Variants in OR52N2 observed in about 807,000 individuals in gnomAD.
OR52N2 encodes the protein olfactory receptor 52N2.
For synonymous variants in OR52N2, 129 were observed against 72.0 expected (o/e 1.79, Z -4.01); for missense variants, 326 against 196.6 (o/e 1.66, Z -3.94).
At chr11:5,811,642 A>G (rs1244200536) in intron 1 of OR52N2, among the ~76,000 whole-genome samples, 6 of 152,216 alleles carry the variant, frequency 3.9e-5, no homozygotes, top group Admixed American at 1.3e-4. Flanking sequence ...AGAAGACAAC[A>G]AGAGAAAAAG....
In OR52N2 at chr11:5,813,329, G is replaced by C. The variant is rs893319330; in HGVS notation, c.-55+4275G>C. Reference sequence around the variant, plus strand: ...TCCAAAGAAATCCAAAGGGTCATAAGAGACTACTACAAACAATTATATGCC... The same window carrying C: ...TCCAAAGAAATCCAAAGGGTCATAACAGACTACTACAAACAATTATATGCC... On this transcript the variant is annotated intron_variant, in intron 1 of 1. Transcript: ENST00000317037. Among the ~76,000 whole-genome samples, 6 of 152,130 alleles carry C rather than the reference G, an allele frequency of 3.9e-5. No individual in the cohort carries two copies. In the East Asian group the frequency reaches 9.6e-4, roughly 24 times the overall value.
At chr11:5,815,014 C>G (rs1307213378) in intron 1 of OR52N2, among the ~76,000 whole-genome samples, 1 of 152,056 alleles carries the variant, frequency 6.6e-6, no homozygotes, top group African/African-American at 2.4e-5. Flanking sequence ...AACTGGGTAT[C>G]TACATGTACA....
At chr11:5,812,999 A>G (rs1846376091) in intron 1 of OR52N2, among the ~76,000 whole-genome samples, 1 of 152,014 alleles carries the variant, frequency 6.6e-6, no homozygotes, top group African/African-American at 2.4e-5. Flanking sequence ...AGGGGAAACT[A>G]AATAATATAT....
At chr11:5,814,318 C>A (rs960723173) in intron 1 of OR52N2, among the ~76,000 whole-genome samples, 5 of 150,144 alleles carry the variant, frequency 3.3e-5, no homozygotes, top group Non-Finnish European at 7.4e-5. Flanking sequence ...GATACGAAGT[C>A]AGAATGCAAA....
chr11:5,820,737 T>G lies in OR52N2; in HGVS notation c.402T>G (p.Tyr134Ter), dbSNP rs1420818764. ...RYVAICYPLR[Y>*]ATILTNPVIA... Reference sequence around the variant, plus strand: ...TGGCCATCTGCTACCCCTTACGCTATGCCACCATCCTTACCAACCCTGTCA... The same window carrying G: ...TGGCCATCTGCTACCCCTTACGCTAGGCCACCATCCTTACCAACCCTGTCA... Residue 134 changes from tyrosine (Y) to a stop codon, truncating the protein, a stop_gained, in exon 2 of 2, where the codon TAT becomes TAG. Transcript: ENST00000317037. LOFTEE classifies it low-confidence loss of function (END_TRUNC). The G allele has an allele frequency of 2.6e-6, 2 of 781,922 alleles. No individual in the cohort carries two copies. Among genetic ancestry groups the G allele is most frequent in the South Asian group, 2.7e-5 (2 of 73,000 alleles). 48.4% of individuals were successfully genotyped at this position (781,922 alleles called of 1,614,324 possible).
At chr11:5,816,927 G>C (rs989055266) in intron 1 of OR52N2, among the ~76,000 whole-genome samples, 2 of 151,036 alleles carry the variant, frequency 1.3e-5, no homozygotes, top group African/African-American at 4.9e-5. Context: ...TGTAATAGCT[G>C]CATTAATTTA....
chr11:5,818,670 ACTTTCT>A lies in OR52N2; in HGVS notation c.-54-1606_-54-1601del, dbSNP rs912356964. On this transcript the variant is annotated intron_variant, in intron 1 of 1. Transcript: ENST00000317037. ...ATAGCAGTAAGGGGCAATGTTTTTT[ACTTTCT>A]CTTTCACTTCTTAAGAGGTAATGGC... Among the ~76,000 whole-genome samples the A allele has an allele frequency of 7.9e-5, 12 of 152,270 alleles. No homozygotes were observed. In the East Asian group the frequency reaches 2.3e-3, roughly 29 times the overall value.
intron 1 of OR52N2, among the ~76,000 whole-genome samples, chr11:5,813,417 C>T (rs996945611): frequency 1.3e-5 from 2 of 151,918 alleles, no homozygotes; most frequent in African/African-American, 4.8e-5. Flanking sequence ...TACAGAAAGT[C>T]AATAAGGAAA....
In OR52N2 at chr11:5,820,428, G is replaced by A; in HGVS notation, c.93G>A (p.Leu31=). Residue 31 remains leucine, a synonymous_variant, in exon 2 of 2, where the codon CTG becomes CTA. Coordinates refer to ENST00000317037, the MANE Select transcript of OR52N2 (RefSeq NM_001005174.3). ...AAGCCACACACATCTGGATCTCCCT[G>A]CCATTCTGCTTTATGTACATCATTG... ...GLEATHIWIS[L]PFCFMYIIAV... 1.3e-6 allele frequency: 1 copy of A among 780,818 alleles called. No individual in the cohort carries two copies. The highest frequency in any genetic ancestry group is 2.4e-5 in the East Asian group (1 of 41,216). 48.4% of individuals were successfully genotyped at this position (780,818 alleles called of 1,614,324 possible).
chr11:5,812,615 G>A (rs1262591839), intron 1 of OR52N2, among the ~76,000 whole-genome samples: 2 of 151,802 alleles, frequency 1.3e-5, no homozygotes, highest in African/African-American at 2.4e-5. Flanking sequence ...ATATATGTCT[G>A]TAATATCACA....
intron 1 of OR52N2, among the ~76,000 whole-genome samples, chr11:5,812,299 C>T (rs577352702): frequency 6.7e-6 from 1 of 149,934 alleles, no homozygotes; most frequent in South Asian, 2.1e-4. Flanking sequence ...TCTAGACCAT[C>T]CTGGCTAACA....
At chr11:5,817,901 T>C (rs1268075320) in intron 1 of OR52N2, among the ~76,000 whole-genome samples, 1 of 152,192 alleles carries the variant, frequency 6.6e-6, no homozygotes, top group Non-Finnish European at 1.5e-5. Flanking sequence ...TTAAATTTGG[T>C]ACAGCTATTG....
chr11:5,811,780 A>G (rs1298717205), intron 1 of OR52N2, among the ~76,000 whole-genome samples: 1 of 152,230 alleles, frequency 6.6e-6, no homozygotes, highest in African/African-American at 2.4e-5. Context: ...GATTTGCTGA[A>G]TGAATTAAAA....
chr11:5,811,632 A>C (rs1846361635), intron 1 of OR52N2, among the ~76,000 whole-genome samples: 1 of 152,230 alleles, frequency 6.6e-6, no homozygotes, highest in African/African-American at 2.4e-5. Flanking sequence ...CTATCACAAA[A>C]GAAGACAACA....
At chr11:5,818,888 C>A (rs1846424784) in intron 1 of OR52N2, among the ~76,000 whole-genome samples, 1 of 152,170 alleles carries the variant, frequency 6.6e-6, no homozygotes, top group Admixed American at 6.5e-5. Flanking sequence ...ACTGTGAGAA[C>A]TTCCTTATAA....
At chr11:5,809,708 G>T (rs979374561) in intron 1 of OR52N2, among the ~76,000 whole-genome samples, 14 of 151,152 alleles carry the variant, frequency 9.3e-5, no homozygotes, top group African/African-American at 2.9e-4. Context: ...GCTGAAAAAT[G>T]ATTACCATTG....
chr11:5,819,376 A>G (rs1846428251), intron 1 of OR52N2, among the ~76,000 whole-genome samples: 1 of 152,216 alleles, frequency 6.6e-6, no homozygotes, highest in Non-Finnish European at 1.5e-5. Flanking sequence ...TATAACAAAA[A>G]TAATACTAAA....
intron 1 of OR52N2, among the ~76,000 whole-genome samples, chr11:5,817,709 C>T (rs576383082): frequency 4.6e-5 from 7 of 152,046 alleles, no homozygotes; most frequent in Non-Finnish European, 7.4e-5. Context: ...TTTTTTCTAA[C>T]GTTTATCAAC....
intron 1 of OR52N2, among the ~76,000 whole-genome samples, chr11:5,809,646 T>C (rs1435965016): frequency 1.3e-5 from 2 of 150,562 alleles, no homozygotes; most frequent in Non-Finnish European, 3.0e-5. Context: ...TTACATTGTC[T>C]TTCAAAAAAA....
Sources: gnomAD v4.1 joint callset for allele counts (sites outside exome capture counted in the v4.1 genomes callset) on GRCh38, gnomAD v4.1.1 for gene constraint, MANE v1.5 for transcripts, NCBI Gene and HGNC (gene_info 2026-07-23, HGNC 2026-07-21) for gene names.